Variants in LCA5 observed in about 807,000 individuals in gnomAD.
The protein encoded by LCA5 is lebercilin.
LCA5 carries 37 observed loss-of-function variants against 53.0 expected under a neutral mutation model. The observed-to-expected ratio is 0.70, with a 90% CI of 0.54 to 0.92. LCA5 has a LOEUF of 0.92. Among genes scored for constraint, LCA5 ranks in the 40% least tolerant of loss-of-function variants. The pLI, the probability that LCA5 is intolerant of heterozygous loss-of-function variation, is 0.00. For missense variants in LCA5, 806 were observed against 790.5 expected (o/e 1.02, Z -0.23); for synonymous variants, 303 against 282.9 (o/e 1.07, Z -0.71).
intron 1 of LCA5, chr6:79,525,216 T>TAA (rs1263684206): frequency 6.6e-6 from 1 of 152,194 alleles, no homozygotes; most frequent in African/African-American, 2.4e-5. Context: ...GGCTTTTTAT[T>TAA]TACATACTTC....
At chr6:79,520,268 CA>C (rs1766588669) in intron 1 of LCA5, among the ~76,000 whole-genome samples, 1 of 151,318 alleles carries the variant, frequency 6.6e-6, no homozygotes, top group South Asian at 2.1e-4. Context: ...ATAATGTTTA[CA>C]AAAAGTCTGT....
At chr6:79,536,352 T>C (rs960395862) in intron 1 of LCA5, among the ~76,000 whole-genome samples, 2 of 152,158 alleles carry the variant, frequency 1.3e-5, no homozygotes, top group African/African-American at 4.8e-5. Context: ...TGCAAAGATA[T>C]CTCTAATGCA....
At chr6:79,510,767 G>A (rs1283415908) in intron 3 of LCA5, among the ~76,000 whole-genome samples, 3 of 151,948 alleles carry the variant, frequency 2.0e-5, no homozygotes, top group African/African-American at 7.2e-5. Context: ...TTAGGAAATG[G>A]GCAGAAAAAT....
At chr6:79,534,238 G>C (rs1324498451) in intron 1 of LCA5, among the ~76,000 whole-genome samples, 13 of 151,632 alleles carry the variant, frequency 8.6e-5, no homozygotes. Flanking sequence ...ATAAAGTTTG[G>C]ATTTAAAGTA....
intron 6 of LCA5, among the ~76,000 whole-genome samples, chr6:79,490,153 C>T (rs1401346427): frequency 6.6e-6 from 1 of 152,088 alleles, no homozygotes; most frequent in Admixed American, 6.6e-5. Context: ...AAATTTTTAT[C>T]TCACTTGAGC....
intron 3 of LCA5, among the ~76,000 whole-genome samples, chr6:79,504,403 G>T (rs1770222680): frequency 6.6e-6 from 1 of 152,140 alleles, no homozygotes; most frequent in Non-Finnish European, 1.5e-5. Flanking sequence ...ACCAGAATAG[G>T]TTCAGAGTGA....
At position 79,486,763 on chromosome 6, in the gene LCA5, A is replaced by C; in HGVS notation, c.*241T>G. ...AGCACTGGATGAAGAGTTAAAATCT[A>C]TTTCATTTTTCAAGACATATTTTTA... On this transcript the variant is annotated 3_prime_UTR_variant, in exon 8 of 8. Coordinates refer to ENST00000369846, the MANE Select transcript of LCA5 (RefSeq NM_001122769.3). 7.2e-6 allele frequency: 3 copies of C among 414,864 alleles called. No individual in the cohort carries two copies. The highest frequency in any genetic ancestry group is 4.4e-5 in the East Asian group (1 of 22,828). The allele number at this position is 414,864 out of a possible 1,614,324, so 25.7% of individuals were successfully genotyped here. A position where few individuals can be genotyped will look rare whatever the true frequency, so the allele number is the denominator to read the frequency against.
Position 79,536,582 on chromosome 6 carries a change from AT to A in LCA5, c.-192+582del, listed in dbSNP as rs533615042. Among the ~76,000 whole-genome samples, 597 of 152,164 alleles carry A rather than the reference AT, an allele frequency of 3.9e-3. 2 individuals are homozygous for A. Among genetic ancestry groups the A allele is most frequent in the Middle Eastern group, 0.024 (7 of 294 alleles). Reference sequence around the variant, plus strand: ...AAAAAGGCACTTTCTTTTTTCTTTTATTTCTAACCATCTTTACTCCTCTCAT... The same window carrying A: ...AAAAAGGCACTTTCTTTTTTCTTTTATTCTAACCATCTTTACTCCTCTCAT... On this transcript the variant is annotated intron_variant, in intron 1 of 7. Transcript: ENST00000369846.
At chr6:79,494,078 C>A (rs1769914786) in intron 3 of LCA5, among the ~76,000 whole-genome samples, 1 of 152,040 alleles carries the variant, frequency 6.6e-6, no homozygotes, top group Non-Finnish European at 1.5e-5. Context: ...AAGCAAGACC[C>A]CATCTCTATA....
chr6:79,517,841 A>G (rs947029750), intron 2 of LCA5, among the ~76,000 whole-genome samples: 2 of 152,166 alleles, frequency 1.3e-5, no homozygotes, highest in Admixed American at 6.5e-5. Context: ...GAGTCAATAC[A>G]TTAGCACAGG....
At chr6:79,513,850 T>C in intron 2 of LCA5, 109 bp from the exon 3 acceptor site, 1 of 1,033,476 alleles carries the variant, frequency 9.7e-7, no homozygotes, top group South Asian at 1.4e-5. Flanking sequence ...TTTTTGTCTT[T>C]AAGAAAGGAT....
chr6:79,506,916 G>A (rs183832919), intron 3 of LCA5, among the ~76,000 whole-genome samples: 35 of 152,216 alleles, frequency 2.3e-4, no homozygotes, highest in Admixed American at 1.4e-3. Flanking sequence ...AACATCCATT[G>A]AAAGACGACC....
chr6:79,531,964 T>C (rs62413361), intron 1 of LCA5, among the ~76,000 whole-genome samples: 3,866 of 152,278 alleles, frequency 0.025, 60 homozygotes, highest in Middle Eastern at 0.071. Flanking sequence ...TTCACCTTCC[T>C]ACTTGACAAT....
intron 3 of LCA5, among the ~76,000 whole-genome samples, chr6:79,501,927 C>T (rs1320522180): frequency 6.6e-6 from 1 of 151,644 alleles, no homozygotes; most frequent in Non-Finnish European, 1.5e-5. Context: ...AGTATATACA[C>T]ATAGGAGAAT....
At chr6:79,504,541 A>G (rs1161369534) in intron 3 of LCA5, among the ~76,000 whole-genome samples, 3 of 152,178 alleles carry the variant, frequency 2.0e-5, no homozygotes, top group African/African-American at 7.2e-5. Flanking sequence ...ACTTGAACAT[A>G]GTTTGAATAG....
intron 3 of LCA5, 190 bp downstream of exon 3, chr6:79,513,022 C>A (rs1421663895): frequency 4.8e-6 from 3 of 624,684 alleles, no homozygotes; most frequent in African/African-American, 3.7e-5. Context: ...CAACATGTAG[C>A]TCATTAATGT....
chr6:79,510,339 C>G (rs1021362691), intron 3 of LCA5, among the ~76,000 whole-genome samples: 18 of 152,112 alleles, frequency 1.2e-4, no homozygotes, highest in African/African-American at 4.1e-4. Flanking sequence ...ACCTCACATT[C>G]TATACAAAAA....
intron 3 of LCA5, among the ~76,000 whole-genome samples, chr6:79,495,952 C>T (rs930224401): frequency 6.6e-6 from 1 of 152,032 alleles, no homozygotes; most frequent in African/African-American, 2.4e-5. Flanking sequence ...TATATTACCT[C>T]CAAACATCTG....
chr6:79,503,898 A>G (rs989552030), intron 3 of LCA5, among the ~76,000 whole-genome samples: 9 of 152,254 alleles, frequency 5.9e-5, no homozygotes, highest in Non-Finnish European at 1.2e-4. Flanking sequence ...ATAAGCTAAA[A>G]TTTTTAAAAT....
Sources: gnomAD v4.1 joint callset for allele counts (sites outside exome capture counted in the v4.1 genomes callset) on GRCh38, gnomAD v4.1.1 for gene constraint, MANE v1.5 for transcripts, NCBI Gene and HGNC (gene_info 2026-07-23, HGNC 2026-07-21) for gene names.